Variants in GPC4 observed in about 807,000 individuals in gnomAD.
GPC4 encodes glypican-4.
In GPC4, 10 loss-of-function variants were observed where a neutral mutation model predicts 35.0. The observed-to-expected ratio is 0.29, with a 90% CI of 0.18 to 0.48. The LOEUF is 0.48. Among genes scored for constraint, GPC4 ranks in the 20% least tolerant of loss-of-function variants. GPC4 has a pLI of 0.99. For missense variants in GPC4, 322 were observed against 451.3 expected (o/e 0.71, Z 2.60); for synonymous variants, 167 against 170.2 (o/e 0.98, Z 0.15).
chrX:133,310,754 T>A (rs1346715236), intron 4 of GPC4, among the ~76,000 whole-genome samples: 2 of 112,001 alleles, frequency 1.8e-5, no homozygotes, highest in Non-Finnish European at 3.8e-5. Flanking sequence ...CTTTTACAAC[T>A]CCATGAGGAC....
intron 4 of GPC4, 69 bp from the exon 5 acceptor site, chrX:133,306,223 C>T: frequency 8.9e-7 from 1 of 1,128,115 alleles, no homozygotes; most frequent in Non-Finnish European, 1.2e-6. Flanking sequence ...TTGGGTAAAT[C>T]AATCTGATTT....
intron 1 of GPC4, among the ~76,000 whole-genome samples, chrX:133,358,517 C>T (rs187092315): frequency 2.1e-4 from 24 of 112,069 alleles, no homozygotes; most frequent in Middle Eastern, 4.6e-3. Flanking sequence ...AAGAACTCTC[C>T]GCTCTATGAA....
At chrX:133,361,533 G>C (rs1283151891) in intron 1 of GPC4, among the ~76,000 whole-genome samples, 3 of 108,248 alleles carry the variant, frequency 2.8e-5, no homozygotes. Context: ...AGACAACTTG[G>C]ACTCAATGGA....
At chrX:133,380,320 G>A (rs2068654965) in intron 1 of GPC4, among the ~76,000 whole-genome samples, 1 of 109,872 alleles carries the variant, frequency 9.1e-6, no homozygotes, top group Non-Finnish European at 1.9e-5. Flanking sequence ...CTGGGCGACA[G>A]ATCAAGACTC....
intron 4 of GPC4, among the ~76,000 whole-genome samples, chrX:133,308,887 G>A (rs2068302451): frequency 1.8e-5 from 2 of 108,529 alleles, no homozygotes; most frequent in African/African-American, 6.7e-5. Context: ...GCAGTTTCCC[G>A]ACTTAACCCC....
chrX:133,398,470 G>C (rs1162942067), intron 1 of GPC4, among the ~76,000 whole-genome samples: 1 of 111,604 alleles, frequency 9.0e-6, no homozygotes, highest in Admixed American at 9.5e-5. Context: ...AACAAACTAA[G>C]AAATAGGGAT....
chrX:133,394,941 T>C (rs1365560346), intron 1 of GPC4, among the ~76,000 whole-genome samples: 1 of 111,952 alleles, frequency 8.9e-6, no homozygotes, highest in African/African-American at 3.2e-5. Context: ...CCATAATACA[T>C]TCTTTCTAGA....
At chrX:133,303,710 G>T (rs190951715) in intron 7 of GPC4, among the ~76,000 whole-genome samples, 25 of 109,872 alleles carry the variant, frequency 2.3e-4, no homozygotes, top group Middle Eastern at 4.7e-3. Context: ...AAATGAGCCG[G>T]GTGTGGTGGT....
chrX:133,410,519 T>C (rs958954091), intron 1 of GPC4, among the ~76,000 whole-genome samples: 10 of 111,681 alleles, frequency 9.0e-5, no homozygotes, highest in African/African-American at 2.9e-4. Context: ...GAGGCCAAAA[T>C]ACATTTTTAA....
chrX:133,352,302 T>C (rs1210287554), intron 1 of GPC4, among the ~76,000 whole-genome samples: 1 of 111,787 alleles, frequency 8.9e-6, no homozygotes, highest in African/African-American at 3.3e-5. Context: ...ATATACTATG[T>C]CCATTTTTGA....
At chrX:133,406,889 A>T (rs1044563477) in intron 1 of GPC4, among the ~76,000 whole-genome samples, 10 of 110,806 alleles carry the variant, frequency 9.0e-5, no homozygotes, top group Non-Finnish European at 1.9e-4. Flanking sequence ...AGCCTGGCCA[A>T]CATGGTGAAT....
chrX:133,394,507 G>A lies in GPC4; in HGVS notation c.160+20299C>T, dbSNP rs184302823. 9.9e-5 allele frequency among the ~76,000 whole-genome samples: 11 copies of A among 110,746 alleles called. No individual in the cohort carries two copies. The East Asian group carries it at 2.8e-3, about 29-fold the overall frequency. ...TCAGGGCAAGGAGAAAAGAGGGGCT[G>A]AAGAAGAAGAGAAGATGCTGTCCAG... is the stretch of plus-strand genomic sequence containing the variant. On this transcript the variant is annotated intron_variant, in intron 1 of 8. Coordinates refer to ENST00000370828, the MANE Select transcript of GPC4 (RefSeq NM_001448.3).
chrX:133,406,422 A>G (rs1394075820), intron 1 of GPC4, among the ~76,000 whole-genome samples: 1 of 112,546 alleles, frequency 8.9e-6, no homozygotes, highest in Non-Finnish European at 1.9e-5. Context: ...GATGAATCTC[A>G]TTGGAAAATT....
intron 3 of GPC4, among the ~76,000 whole-genome samples, chrX:133,323,118 C>G (rs2068374134): frequency 9.0e-6 from 1 of 111,305 alleles, no homozygotes. Flanking sequence ...ACGGTCTCAC[C>G]CACAAAAGAC....
At chrX:133,322,823 C>T (rs2068372801) in intron 3 of GPC4, among the ~76,000 whole-genome samples, 1 of 112,276 alleles carries the variant, frequency 8.9e-6, no homozygotes, top group Admixed American at 9.4e-5. Context: ...CAATGGCCTA[C>T]AATTTGGCTT....
chrX:133,389,623 C>T (rs2068710186), intron 1 of GPC4, among the ~76,000 whole-genome samples: 1 of 111,163 alleles, frequency 9.0e-6, no homozygotes, highest in Non-Finnish European at 1.9e-5. Context: ...TTTGGGGAAA[C>T]AGCTCATCTG....
intron 1 of GPC4, among the ~76,000 whole-genome samples, chrX:133,365,596 C>A (rs2124155127): frequency 9.0e-6 from 1 of 111,713 alleles, no homozygotes; most frequent in African/African-American, 3.2e-5. Context: ...CTCAAGCAGA[C>A]CCTCCAACGA....
chrX:133,405,449 A>T (rs1435127258), intron 1 of GPC4, among the ~76,000 whole-genome samples: 1 of 112,231 alleles, frequency 8.9e-6, no homozygotes, highest in East Asian at 2.8e-4. Context: ...AAATCAGAAT[A>T]AGCCAAACAC....
intron 2 of GPC4, among the ~76,000 whole-genome samples, chrX:133,331,019 T>C (rs1242879201): frequency 8.9e-6 from 1 of 111,735 alleles, no homozygotes; most frequent in East Asian, 2.8e-4. Context: ...TCACCAGCTG[T>C]AGCTCTTATT....
Sources: gnomAD v4.1 joint callset for allele counts (sites outside exome capture counted in the v4.1 genomes callset) on GRCh38, gnomAD v4.1.1 for gene constraint, MANE v1.5 for transcripts, NCBI Gene and HGNC (gene_info 2026-07-23, HGNC 2026-07-21) for gene names.